MTMR9: variants seen among roughly 807,000 people sequenced by gnomAD.
The protein encoded by MTMR9 is myotubularin related protein 9.
In MTMR9, 39 loss-of-function variants were observed where a neutral mutation model predicts 69.5. That is an observed-to-expected ratio of 0.56 (90% CI 0.43 to 0.73). The LOEUF is 0.73. MTMR9 is among the 30% of genes least tolerant of loss of function. The probability of loss-of-function intolerance (pLI) is 0.00; values close to 1 mark genes in which losing one functional copy is unlikely to be tolerated. For synonymous variants in MTMR9, 354 were observed against 240.8 expected, an observed-to-expected ratio of 1.47 and a Z score of -4.35; for missense variants, 900 against 671.2, an observed-to-expected ratio of 1.34 and a Z score of -3.77.
chr8:11,302,882 A>T (rs566967755), intron 3 of MTMR9, among the ~76,000 whole-genome samples: 21 of 152,260 alleles, frequency 1.4e-4, no homozygotes, highest in African/African-American at 5.1e-4. Flanking sequence ...AACAAAGATT[A>T]TTGGGTTTCT....
intron 2 of MTMR9, among the ~76,000 whole-genome samples, chr8:11,296,721 G>A (rs1400503966): frequency 6.6e-6 from 1 of 152,012 alleles, no homozygotes; most frequent in Non-Finnish European, 1.5e-5. Flanking sequence ...ACTTTTTAAG[G>A]CTGAGTAATA....
At chr8:11,297,103 T>G (rs1458852184) in intron 2 of MTMR9, among the ~76,000 whole-genome samples, 1 of 152,228 alleles carries the variant, frequency 6.6e-6, no homozygotes, top group Non-Finnish European at 1.5e-5. Context: ...ATAGGAACGT[T>G]GATTTTTTCT....
At chr8:11,286,459 G>A (rs1423352122) in intron 1 of MTMR9, among the ~76,000 whole-genome samples, 1 of 151,574 alleles carries the variant, frequency 6.6e-6, no homozygotes, top group African/African-American at 2.4e-5. Flanking sequence ...GAGGTTAGGA[G>A]TTTGAGACCA....
chr8:11,312,724 C>T (rs1800252101), intron 6 of MTMR9, among the ~76,000 whole-genome samples: 1 of 152,128 alleles, frequency 6.6e-6, no homozygotes, highest in African/African-American at 2.4e-5. Context: ...GAAAGTTTTC[C>T]ATTTACTTTG....
chr8:11,336,755 G>C, the MTMR9 span, among the ~76,000 whole-genome samples: 1 of 152,160 alleles, frequency 6.6e-6, no homozygotes, highest in African/African-American at 2.4e-5. Context: ...CCAGCTAAAC[G>C]AGAGCAGGCA....
At chr8:11,298,103 T>G (rs1195335362) in intron 2 of MTMR9, among the ~76,000 whole-genome samples, 1 of 152,214 alleles carries the variant, frequency 6.6e-6, no homozygotes, top group East Asian at 1.9e-4. Context: ...AGCAATAAGT[T>G]AGTGAAGCTT....
At chr8:11,297,360 C>A (rs1319077457) in intron 2 of MTMR9, among the ~76,000 whole-genome samples, 1 of 152,202 alleles carries the variant, frequency 6.6e-6, no homozygotes, top group Non-Finnish European at 1.5e-5. Flanking sequence ...TCTTACACAT[C>A]TGTCATTTGG....
At position 11,327,403 on chromosome 8, in the gene MTMR9, T is replaced by C. The variant is rs991369181; in HGVS notation, c.*4615T>C. On this transcript the variant is annotated 3_prime_UTR_variant, in exon 10 of 10. Coordinates refer to ENST00000221086, the MANE Select transcript of MTMR9 (RefSeq NM_015458.4). ...CGTCTGCAGGTCTAAGGATTAACTA[T>C]ATTTGTGATTTGTAATAAAACTGAG... 6.6e-6 allele frequency: 1 copy of C among 152,234 alleles called. No individual in the cohort carries two copies. Among genetic ancestry groups the C allele is most frequent in the African/African-American group, 2.4e-5 (1 of 41,456 alleles). The allele number at this position is 152,234 out of a possible 1,614,324, so 9.4% of individuals were successfully genotyped here.
At chr8:11,314,849 C>A in intron 6 of MTMR9, 74 bp from the exon 7 acceptor site, 1 of 1,458,594 alleles carries the variant, frequency 6.9e-7, no homozygotes, top group Non-Finnish European at 9.5e-7. Flanking sequence ...GCTCAATAAA[C>A]GCTTGTTATT....
chr8:11,314,064 C>T (rs1563281539), intron 6 of MTMR9, among the ~76,000 whole-genome samples: 1 of 152,114 alleles, frequency 6.6e-6, no homozygotes, highest in South Asian at 2.1e-4. Context: ...TGGAAGGATA[C>T]GAGTGTAGAA....
At chr8:11,333,065 T>A (rs1801294400), downstream of MTMR9, among the ~76,000 whole-genome samples, 1 of 151,854 alleles carries the variant, frequency 6.6e-6, no homozygotes, top group African/African-American at 2.4e-5. Context: ...TTTATGAGAG[T>A]CCTAGAAAAA....
intron 8 of MTMR9, 36 bp from the exon 9 acceptor site, chr8:11,319,651 T>C: frequency 6.2e-7 from 1 of 1,608,952 alleles, no homozygotes; most frequent in South Asian, 1.1e-5. Context: ...TTGTTATAAA[T>C]TAATTACTTT....
chr8:11,294,004 T>C (rs1275409044), intron 1 of MTMR9, among the ~76,000 whole-genome samples: 7 of 152,186 alleles, frequency 4.6e-5, no homozygotes, highest in Non-Finnish European at 1.0e-4. Context: ...TTATTCAAAG[T>C]TGTTTTGGCT....
chr8:11,287,860 A>G (rs1799228551), intron 1 of MTMR9, among the ~76,000 whole-genome samples: 1 of 113,358 alleles, frequency 8.8e-6, no homozygotes, highest in South Asian at 2.3e-4. Context: ...TATATGTTAT[A>G]TATTATATTA....
chr8:11,304,774 A>C, intron 3 of MTMR9, 67 bp from the exon 4 acceptor site: 2 of 1,532,562 alleles, frequency 1.3e-6, no homozygotes, highest in Admixed American at 3.7e-5. Context: ...AGGTCTTTTA[A>C]AATTTCTCAG....
Position 11,314,972 on chromosome 8 carries a change from C to G in MTMR9, c.1021C>G (p.Leu341Val). The change falls in exon 7 of 10, where the codon CTC becomes GTC. Residue 341 changes from leucine to valine, a missense_variant. Physicochemically the swap from Leu to Val is conservative, Grantham distance 32 (BLOSUM62 1). Coordinates refer to ENST00000221086, the MANE Select transcript of MTMR9 (RefSeq NM_015458.4). ...IHGTEGTDST[L>V]QVTSLAQIIL... ...CGGAACAGAAGGAACTGATTCCACA[C>G]TCCAGGTGACCTCCTTGGCCCAGAT... 1.2e-6 allele frequency: 2 copies of G among 1,614,030 alleles called. No homozygotes were observed. Among genetic ancestry groups the G allele is most frequent in the Admixed American group, 1.7e-5 (1 of 60,014 alleles).
At chr8:11,299,982 T>C in intron 2 of MTMR9, 41 bp from the exon 3 acceptor site, 1 of 1,596,258 alleles carries the variant, frequency 6.3e-7, no homozygotes, top group Non-Finnish European at 8.5e-7. Flanking sequence ...TTTCCAGTTG[T>C]GGATGTTTCT....
At chr8:11,288,217 TTAATAATTATAATATATAATAA>T (rs1405897788) in intron 1 of MTMR9, among the ~76,000 whole-genome samples, 3 of 136,432 alleles carry the variant, frequency 2.2e-5, no homozygotes, top group African/African-American at 8.3e-5. Context: ...ATATAATATA[TTAATAATTATAATATATAATAA>T]TAATAATTAT....
intron 5 of MTMR9, among the ~76,000 whole-genome samples, chr8:11,307,133 A>T (rs1799969209): frequency 6.6e-6 from 1 of 152,118 alleles, no homozygotes; most frequent in Admixed American, 6.5e-5. Flanking sequence ...GTGCAGTGGC[A>T]CGATCCCAGC....
Sources: gnomAD v4.1 joint callset for allele counts (sites outside exome capture counted in the v4.1 genomes callset) on GRCh38, gnomAD v4.1.1 for gene constraint, MANE v1.5 for transcripts, NCBI Gene and HGNC (gene_info 2026-07-23, HGNC 2026-07-21) for gene names.